Variants in IRF2 observed in about 807,000 individuals in gnomAD.
IRF2 encodes the protein interferon regulatory factor 2.
A neutral mutation model predicts 40.6 loss-of-function variants in IRF2; 15 were observed. That is an observed-to-expected ratio of 0.37 (90% CI 0.25 to 0.57). The LOEUF is 0.57. Among genes scored for constraint, IRF2 ranks in the 20% least tolerant of loss-of-function variants. IRF2 has a pLI of 0.77. For synonymous variants in IRF2, 151 were observed against 165.5 expected (o/e 0.91, Z 0.67); for missense variants, 317 against 455.7 (o/e 0.70, Z 2.77).
chr4:184,438,820 G>A (rs966725260), intron 1 of IRF2, among the ~76,000 whole-genome samples: 7 of 152,234 alleles, frequency 4.6e-5, no homozygotes, highest in Admixed American at 2.6e-4. Flanking sequence ...TAGTATGTTC[G>A]GAGCAAAGAT....
Position 184,408,054 on chromosome 4 carries a change from A to T in IRF2, c.529+104T>A. 1 of 676,744 alleles carries T rather than the reference A, an allele frequency of 1.5e-6. No homozygotes were observed. The highest frequency in any genetic ancestry group is 2.7e-6 in the Non-Finnish European group (1 of 376,778). The allele number at this position is 676,744 out of a possible 1,614,324, so 41.9% of individuals were successfully genotyped here. ...ACTTGCATTCTGAGATGATTCCAAG[A>T]CCTCCTCCCACTGACTATGTTATTT... On this transcript the variant is annotated intron_variant, in intron 6 of 8. Transcript: ENST00000393593. The surrounding 1 kb of genome is among the most constrained non-coding windows in gnomAD (Gnocchi z 4.9).
chr4:184,418,432 A>G (rs990153497), intron 4 of IRF2, 100 bp downstream of exon 4: 1 of 1,175,152 alleles, frequency 8.5e-7, no homozygotes, highest in African/African-American at 1.5e-5. Context: ...TGAACAGGCT[A>G]TTCTACCTGC....
At chr4:184,440,037 C>G (rs1273135755) in intron 1 of IRF2, among the ~76,000 whole-genome samples, 1 of 152,244 alleles carries the variant, frequency 6.6e-6, no homozygotes, top group African/African-American at 2.4e-5. Context: ...TCCCCACAAA[C>G]TCTCAAAGGG....
At chr4:184,438,248 T>G (rs944820688) in intron 1 of IRF2, among the ~76,000 whole-genome samples, 3 of 152,140 alleles carry the variant, frequency 2.0e-5, no homozygotes, top group Non-Finnish European at 4.4e-5. Flanking sequence ...AAGCAAACAT[T>G]CAAATCTACA....
rs552356542 is a variant in IRF2, at chr4:184,393,020, G to A, written c.695-2271C>T. Among the ~76,000 whole-genome samples, 7 of 152,184 alleles carry A rather than the reference G, an allele frequency of 4.6e-5. No homozygotes were observed. In the South Asian group the frequency reaches 8.3e-4, roughly 18 times the overall value. ...TGCCGAGCACAAGAATTGTTTCCAC[G>A]CAGAAACACATGAAAACCAACAGAA... On this transcript the variant is annotated intron_variant, in intron 7 of 8. Transcript: ENST00000393593.
chr4:184,399,150 A>G, intron 6 of IRF2, 71 bp from the exon 7 acceptor site: 1 of 1,478,372 alleles, frequency 6.8e-7, no homozygotes, highest in Non-Finnish European at 9.0e-7. Context: ...CTCAAGAAAG[A>G]GTCTTCCCCA....
rs1192745513 is a variant in IRF2, at chr4:184,399,025, T to C, written c.584A>G (p.Asn195Ser). Residue 195 changes from asparagine to serine, a missense_variant, in exon 7 of 9, where the codon AAT (asparagine) becomes AGT (serine). Physicochemically the swap from Asn to Ser is conservative, Grantham distance 46. Coordinates refer to ENST00000393593, the MANE Select transcript of IRF2 (RefSeq NM_002199.4). Reference sequence around the variant, plus strand: ...TACAACTTGGCAAATGTCTGGCGGATTGGTGACAATCTCTTGATTCTCAAT... The same window carrying C: ...TACAACTTGGCAAATGTCTGGCGGACTGGTGACAATCTCTTGATTCTCAAT... ...SNIENQEIVTNPPDICQVVEV... is the reference protein window; with the variant it reads ...SNIENQEIVTSPPDICQVVEV... The C allele has an allele frequency of 6.2e-7, 1 of 1,613,150 alleles. No homozygotes were observed. Among genetic ancestry groups the C allele is most frequent in the Admixed American group, 1.7e-5 (1 of 59,808 alleles).
intron 1 of IRF2, 84 bp from the exon 2 acceptor site, chr4:184,429,154 C>A: frequency 2.5e-6 from 2 of 802,496 alleles, no homozygotes; most frequent in South Asian, 1.4e-5. Context: ...CCGCCTGACT[C>A]TTTCCTTCTC....
chr4:184,422,008 C>T (rs1191553029), intron 2 of IRF2, among the ~76,000 whole-genome samples: 1 of 152,134 alleles, frequency 6.6e-6, no homozygotes, highest in Non-Finnish European at 1.5e-5. Flanking sequence ...TGAGTAAGCT[C>T]TCACTCCATT....
intron 6 of IRF2, among the ~76,000 whole-genome samples, chr4:184,400,968 G>A (rs1283888113): frequency 6.6e-6 from 1 of 152,206 alleles, no homozygotes; most frequent in Non-Finnish European, 1.5e-5. Context: ...ACCTGTATCT[G>A]TTATTTTAAC....
intron 6 of IRF2, among the ~76,000 whole-genome samples, chr4:184,405,056 A>G (rs1736802210): frequency 6.6e-6 from 1 of 152,184 alleles, no homozygotes. Context: ...CAGCCTGACC[A>G]ACATGGTGAA....
At chr4:184,430,081 T>C (rs895216333) in intron 1 of IRF2, among the ~76,000 whole-genome samples, 1 of 152,206 alleles carries the variant, frequency 6.6e-6, no homozygotes, top group African/African-American at 2.4e-5. Context: ...GTCCCTTCCT[T>C]CTTTTGTTCA....
Position 184,418,481 on chromosome 4 carries a change from G to A in IRF2, c.364+51C>T. ...ATGTAGAAATGAAGAGATCACGAAG[G>A]CACGATGACACAAATTGATTTACCT... On this transcript the variant is annotated intron_variant, in intron 4 of 8. Coordinates refer to ENST00000393593, the MANE Select transcript of IRF2 (RefSeq NM_002199.4). 3.3e-6 allele frequency: 5 copies of A among 1,516,424 alleles called. 1 individual carries two copies. Among genetic ancestry groups the A allele is most frequent in the East Asian group, 2.2e-5 (1 of 44,454 alleles). The allele number at this position is 1,516,424 out of a possible 1,614,324, so 93.9% of individuals were successfully genotyped here.
At chr4:184,433,726 T>A (rs539688603) in intron 1 of IRF2, among the ~76,000 whole-genome samples, 26 of 152,282 alleles carry the variant, frequency 1.7e-4, no homozygotes, top group African/African-American at 6.3e-4. Context: ...GCTAACCCAG[T>A]CACATGAAGG....
intron 6 of IRF2, among the ~76,000 whole-genome samples, chr4:184,407,861 G>C (rs989856423): frequency 6.6e-6 from 1 of 152,146 alleles, no homozygotes; most frequent in Non-Finnish European, 1.5e-5. Context: ...TTTTGCCCAC[G>C]TGAACCAAAT....
At chr4:184,403,239 T>C (rs1736730937) in intron 6 of IRF2, among the ~76,000 whole-genome samples, 1 of 152,118 alleles carries the variant, frequency 6.6e-6, no homozygotes, top group Non-Finnish European at 1.5e-5. Flanking sequence ...CAGATGAGCA[T>C]CAACACTCTC....
intron 1 of IRF2, chr4:184,472,541 G>T (rs960144143): frequency 6.6e-6 from 1 of 152,170 alleles, no homozygotes; most frequent in Non-Finnish European, 1.5e-5. Flanking sequence ...TTCATCAAAA[G>T]CAGACCGAGT....
At chr4:184,458,447 A>T (rs963610621) in intron 1 of IRF2, among the ~76,000 whole-genome samples, 1 of 152,200 alleles carries the variant, frequency 6.6e-6, no homozygotes, top group Admixed American at 6.5e-5. Context: ...CTGCTGAAGG[A>T]ATGACTTCCT....
chr4:184,463,987 G>A (rs1392119277), intron 1 of IRF2, among the ~76,000 whole-genome samples: 3 of 151,984 alleles, frequency 2.0e-5, no homozygotes, highest in Non-Finnish European at 4.4e-5. Context: ...AATATAAAGG[G>A]AAAAAATGTA....
Sources: gnomAD v4.1 joint callset for allele counts (sites outside exome capture counted in the v4.1 genomes callset) on GRCh38, gnomAD v4.1.1 for gene constraint, Gnocchi (gnomAD v3.1) non-coding constraint, MANE v1.5 for transcripts, NCBI Gene and HGNC (gene_info 2026-07-23, HGNC 2026-07-21) for gene names.